CNTRL: variants seen among roughly 807,000 people sequenced by gnomAD.
CNTRL encodes the protein centriolin.
In CNTRL, 233 loss-of-function variants were observed where a neutral mutation model predicts 303.7. The ratio of observed to expected loss-of-function variants is 0.77; its 90% CI spans 0.69 to 0.86. The LOEUF is 0.86. Ranked by LOEUF, CNTRL falls within the 40% of genes least tolerant of loss-of-function variation. The pLI is 0.00. For missense variants in CNTRL, 2,524 were observed against 2,650.6 expected, an observed-to-expected ratio of 0.95 and a Z score of 1.05; for synonymous variants, 900 against 922.2, an observed-to-expected ratio of 0.98 and a Z score of 0.44.
chr9:121,109,257 T>C (rs940660636), intron 8 of CNTRL, among the ~76,000 whole-genome samples: 12 of 152,192 alleles, frequency 7.9e-5, no homozygotes, highest in African/African-American at 2.7e-4. Flanking sequence ...CTGTACATGT[T>C]CAATACAGAT....
At chr9:121,131,154 G>A (rs958797296) in intron 14 of CNTRL, among the ~76,000 whole-genome samples, 3 of 152,174 alleles carry the variant, frequency 2.0e-5, no homozygotes, top group African/African-American at 7.2e-5. Flanking sequence ...GGTCTGCTTG[G>A]TGCAGAGCTG....
intron 27 of CNTRL, among the ~76,000 whole-genome samples, chr9:121,156,270 A>C (rs2052566011): frequency 6.6e-6 from 1 of 152,172 alleles, no homozygotes; most frequent in African/African-American, 2.4e-5. Context: ...AGAGGTAGTA[A>C]GTCAACCAAG....
intron 40 of CNTRL, among the ~76,000 whole-genome samples, chr9:121,171,849 T>G (rs9408927): frequency 0.033 from 5,079 of 152,292 alleles, 114 homozygotes; most frequent in Non-Finnish European, 0.053. Context: ...CTAGATTTTA[T>G]GCCATAAACA....
At chr9:121,075,461 G>C (rs553622308) in intron 1 of CNTRL, among the ~76,000 whole-genome samples, 1 of 152,364 alleles carries the variant, frequency 6.6e-6, no homozygotes, top group Admixed American at 6.5e-5. Context: ...TGGGCGTCCT[G>C]ACGGGTTGTC....
intron 34 of CNTRL, among the ~76,000 whole-genome samples, chr9:121,162,609 A>G (rs1356287973): frequency 6.6e-6 from 1 of 152,224 alleles, no homozygotes; most frequent in African/African-American, 2.4e-5. Flanking sequence ...ACAGTTAACA[A>G]TTAAAATCTC....
At chr9:121,155,153 A>G (rs1292784039) in intron 27 of CNTRL, among the ~76,000 whole-genome samples, 5 of 152,206 alleles carry the variant, frequency 3.3e-5, no homozygotes, top group Admixed American at 3.3e-4. Context: ...GCTTTTCGGC[A>G]TGGATTAAAT....
chr9:121,171,390 T>G lies in CNTRL; in HGVS notation c.6277-18T>G, dbSNP rs751811386. ...CCATGTGTTAGATCGCAGAGTTATT[T>G]TCTTCCTCCTGTGCTAGGAGCAAAA... On this transcript the variant is annotated intron_variant, in intron 39 of 43. Transcript: ENST00000373855. The G allele has an allele frequency of 2.7e-5, 43 of 1,613,534 alleles. No homozygotes were observed. The highest frequency in any genetic ancestry group is 3.6e-5 in the Non-Finnish European group (42 of 1,179,706).
chr9:121,157,553 A>G lies in CNTRL; in HGVS notation c.4449A>G (p.Arg1483=), dbSNP rs372496194. The G allele has an allele frequency of 1.3e-4, 211 of 1,614,154 alleles. 5 individuals are homozygous for G. The highest frequency in any genetic ancestry group is 1.0e-3 in the East Asian group (46 of 44,876). The part of the protein sequence containing the change: ...TESDAEELER[R]AQETAVNLVK... ...CAGATGCTGAGGAATTAGAAAGGAGAGCTCAGGAAACTGCTGTTAACCTCG... is the reference window on the plus strand; with the variant it reads ...CAGATGCTGAGGAATTAGAAAGGAGGGCTCAGGAAACTGCTGTTAACCTCG... The change falls in exon 28 of 44, where the codon AGA becomes AGG. Residue 1483 remains arginine, a synonymous_variant. Coordinates refer to ENST00000373855, the MANE Select transcript of CNTRL (RefSeq NM_007018.6).
intron 17 of CNTRL, 98 bp from the exon 18 acceptor site, chr9:121,141,283 C>T: frequency 2.1e-6 from 2 of 949,716 alleles, no homozygotes; most frequent in South Asian, 1.5e-5. Flanking sequence ...AGTCCCTGCA[C>T]ACAGCTTTTT....
At chr9:121,076,874 G>A (rs7856416) in intron 1 of CNTRL, among the ~76,000 whole-genome samples, 92,934 of 151,322 alleles carry the variant, frequency 0.61, 30,027 homozygotes, top group South Asian at 0.89. Flanking sequence ...GACTTGGAAA[G>A]TACTGAAATC....
intron 22 of CNTRL, among the ~76,000 whole-genome samples, 184 bp downstream of exon 22, chr9:121,145,569 G>A (rs1312484171): frequency 1.3e-5 from 2 of 152,168 alleles, no homozygotes; most frequent in African/African-American, 2.4e-5. Context: ...CTGTAAGTGT[G>A]TTACTGGGGG....
intron 15 of CNTRL, among the ~76,000 whole-genome samples, chr9:121,137,674 A>T (rs1175422476): frequency 1.3e-5 from 2 of 152,216 alleles, no homozygotes; most frequent in Non-Finnish European, 2.9e-5. Flanking sequence ...ACAAGATCAG[A>T]GTCTCAGAAA....
intron 1 of CNTRL, among the ~76,000 whole-genome samples, chr9:121,076,884 C>G (rs977161164): frequency 3.9e-5 from 6 of 151,916 alleles, no homozygotes; most frequent in African/African-American, 1.5e-4. Flanking sequence ...GTACTGAAAT[C>G]CAATTAAAGG....
chr9:121,121,430 T>A (rs565960365), intron 12 of CNTRL, among the ~76,000 whole-genome samples: 3 of 152,200 alleles, frequency 2.0e-5, no homozygotes, highest in Admixed American at 6.5e-5. Context: ...AGAGATTATT[T>A]TAAAATTAGC....
At chr9:121,172,858 G>A (rs999818082) in intron 40 of CNTRL, among the ~76,000 whole-genome samples, 1 of 152,190 alleles carries the variant, frequency 6.6e-6, no homozygotes, top group South Asian at 2.1e-4. Context: ...TGAGCAGAAG[G>A]TATTTATCTC....
intron 31 of CNTRL, 93 bp from the exon 32 acceptor site, chr9:121,160,050 C>A (rs1387171782): frequency 7.3e-6 from 7 of 962,992 alleles, no homozygotes; most frequent in Non-Finnish European, 1.0e-5. Context: ...ATTAGAATTT[C>A]TATGATATAA....
At position 121,169,711 on chromosome 9, in the gene CNTRL, T is replaced by C. The variant is rs776478943; in HGVS notation, c.6171T>C (p.Leu2057=). 34 of 1,614,060 alleles carry C rather than the reference T, an allele frequency of 2.1e-5. No individual in the cohort carries two copies. The Admixed American group carries it at 5.5e-4, about 26-fold the overall frequency. Residue 2057 remains leucine, a synonymous_variant, in exon 39 of 44, where the codon CTT becomes CTC. Coordinates refer to ENST00000373855, the MANE Select transcript of CNTRL (RefSeq NM_007018.6). The part of the protein sequence containing the change: ...EADSMRADFS[L]LRNQFLTERK... ...ATTCTATGAGGGCAGACTTCAGCCT[T>C]CTGCGGAACCAGTTCTTGACAGAAA...
At chr9:121,131,164 G>T (rs2050831955) in intron 14 of CNTRL, among the ~76,000 whole-genome samples, 1 of 152,222 alleles carries the variant, frequency 6.6e-6, no homozygotes, top group African/African-American at 2.4e-5. Context: ...GTGCAGAGCT[G>T]AGTTCAATTC....
intron 2 of CNTRL, among the ~76,000 whole-genome samples, chr9:121,086,923 G>A (rs2048366890): frequency 6.6e-6 from 1 of 152,110 alleles, no homozygotes; most frequent in Non-Finnish European, 1.5e-5. Context: ...AAAGTGCGGG[G>A]ATTATAGGCA....
Sources: allele counts gnomAD v4.1 joint callset (sites outside exome capture counted in the v4.1 genomes callset), GRCh38; gene constraint gnomAD v4.1.1; transcripts MANE v1.5; gene names NCBI Gene and HGNC (gene_info 2026-07-23, HGNC 2026-07-21).